The following MOV10 variants were observed in gnomAD, a reference collection of about 807,000 sequenced individuals.
MOV10 encodes the protein Mov10 RNA helicase.
Under a neutral mutation model 108.4 loss-of-function variants are expected in MOV10, and 39 were observed. The observed-to-expected ratio is 0.36, with a 90% CI of 0.28 to 0.47. The LOEUF (loss-of-function observed/expected upper bound fraction) is 0.47. MOV10 is among the 20% of genes least tolerant of loss of function. The probability of loss-of-function intolerance (pLI) is 1.00; values close to 1 mark genes in which losing one functional copy is unlikely to be tolerated. For synonymous variants in MOV10, 490 were observed against 523.1 expected (o/e 0.94, Z 0.86); for missense variants, 952 against 1,297.6 (o/e 0.73, Z 4.09).
chr1:112,695,374 C>G, intron 10 of MOV10, 42 bp from the exon 11 acceptor site: 1 of 1,602,990 alleles, frequency 6.2e-7, no homozygotes, highest in Non-Finnish European at 8.5e-7. Flanking sequence ...ACGGCTGAGT[C>G]TCAGGAACCT....
intron 7 of MOV10, 130 bp downstream of exon 7, chr1:112,693,059 A>G (rs958441939): frequency 1.2e-6 from 1 of 859,982 alleles, no homozygotes; most frequent in Admixed American, 2.6e-5. Flanking sequence ...CTCCGCAAGA[A>G]GCAGGGTGGG....
chr1:112,699,445 T>C, intron 17 of MOV10: 2 of 1,370,632 alleles, frequency 1.5e-6, no homozygotes, highest in South Asian at 1.7e-5. Context: ...GCAATGCTGT[T>C]TTCTTTCCTT....
chr1:112,698,046 C>T lies in MOV10; in HGVS notation c.2251C>T (p.Leu751=). ...IPNQLYYEGE[L]QACADVVDRE... is the part of the protein sequence containing the mutation. Reference sequence around the variant, plus strand: ...TAACCAGCTCTATTATGAAGGGGAGCTGCAGGCCTGTGCTGATGTCGTGGA... The same window carrying T: ...TAACCAGCTCTATTATGAAGGGGAGTTGCAGGCCTGTGCTGATGTCGTGGA... Residue 751 remains leucine, a synonymous_variant, in exon 15 of 21, where the codon CTG becomes TTG. Coordinates refer to ENST00000369645, the MANE Select transcript of MOV10 (RefSeq NM_001321324.2). 1.2e-6 allele frequency: 2 copies of T among 1,614,198 alleles called. No individual in the cohort carries two copies. The highest frequency in any genetic ancestry group is 1.7e-6 in the Non-Finnish European group (2 of 1,180,030).
rs377196406 is a variant in MOV10 at position 112,700,222 on chromosome 1, C to A, written c.2802C>A (p.Phe934Leu). 5 of 1,613,980 alleles carry A rather than the reference C, an allele frequency of 3.1e-6. No individual in the cohort carries two copies. The highest frequency in any genetic ancestry group is 1.1e-5 in the South Asian group (1 of 91,068). The stretch of plus-strand genomic sequence containing the variant: ...GGCACTCCTCTGTACCCCACAGATT[C>A]CTGGAGTTCTGTAAAGAAAACGGAG... ...LLGHDPDWKV[F>L]LEFCKENGGY... The change falls in exon 20 of 21, where the codon TTC becomes TTA. Residue 934 changes from phenylalanine (F) to leucine (L), a missense_variant. By Grantham distance (22) the Phe-to-Leu change is conservative. Around this residue, in one of 5 missense-constraint regions of MOV10, gnomAD observed 65 missense variants for 124.3 expected, o/e 0.52. Transcript: ENST00000369645.
Position 112,698,824 on chromosome 1 carries a change from C to T in MOV10, c.2583+35C>T, listed in dbSNP as rs374973554. On this transcript the variant is annotated intron_variant, in intron 17 of 20. Coordinates refer to ENST00000369645, the MANE Select transcript of MOV10 (RefSeq NM_001321324.2). ...TGTTCCACAGTCACTCCCTGCCTTC[C>T]GTGTGCCCCCACTTGCCCACTTCCA... 1.1e-5 allele frequency: 17 copies of T among 1,575,032 alleles called. No individual in the cohort carries two copies. In the East Asian group the frequency reaches 1.8e-4, roughly 17 times the overall value.
chr1:112,685,246 C>T (rs1195489867), intron 2 of MOV10: 1 of 149,748 alleles, frequency 6.7e-6, no homozygotes, highest in Non-Finnish European at 1.5e-5. Context: ...CTCAAGCAGT[C>T]CTACCACCTC....
At position 112,697,980 on chromosome 1, in the gene MOV10, C is replaced by T; in HGVS notation, c.2199-14C>T. On this transcript the variant is annotated splice_polypyrimidine_tract_variant and intron_variant, in intron 14 of 20. Coordinates refer to ENST00000369645, the MANE Select transcript of MOV10 (RefSeq NM_001321324.2). ...CTGACCCTTGGTCTTGCTTTTCCTCCTCCGGCCTCCCAGGTCTCATCCCAC... is the reference window on the plus strand; with the variant it reads ...CTGACCCTTGGTCTTGCTTTTCCTCTTCCGGCCTCCCAGGTCTCATCCCAC... 4 of 1,609,632 alleles carry T rather than the reference C, an allele frequency of 2.5e-6. No individual in the cohort carries two copies. The highest frequency in any genetic ancestry group is 1.3e-5 in the African/African-American group (1 of 74,928).
intron 2 of MOV10, among the ~76,000 whole-genome samples, chr1:112,679,084 C>G (rs188929243): frequency 0.011 from 1,718 of 152,222 alleles, 15 homozygotes; most frequent in Non-Finnish European, 0.018. Context: ...AACTAGATGT[C>G]TCTTTAAGAT....
Position 112,689,393 on chromosome 1 carries a change from C to G in MOV10, c.342-22C>G, listed in dbSNP as rs115422843. On this transcript the variant is annotated intron_variant, in intron 3 of 20. Coordinates refer to ENST00000369645, the MANE Select transcript of MOV10 (RefSeq NM_001321324.2). ...TCAGACCGCTCCCACCCCAACCCCC[C>G]CTTGACTCCCCTTCTCCCCAGGGCT... 1.2e-3 allele frequency: 1,747 copies of G among 1,466,968 alleles called. 17 individuals carry two copies. In the African/African-American group the frequency reaches 0.016, roughly 14 times the overall value. 90.9% of individuals were successfully genotyped at this position (1,466,968 alleles called of 1,614,324 possible).
chr1:112,689,203 TGTGTGAGGAAA>T, intron 3 of MOV10, 65 bp downstream of exon 3: 1 of 1,481,494 alleles, frequency 6.7e-7, no homozygotes, highest in Non-Finnish European at 9.2e-7. Flanking sequence ...GGGGGCTATC[TGTGTGAGGAAA>T]GAGTGGGTTA....
chr1:112,680,546 C>T (rs1464116415), intron 2 of MOV10, among the ~76,000 whole-genome samples: 1 of 149,506 alleles, frequency 6.7e-6, no homozygotes, highest in African/African-American at 2.5e-5. Context: ...GTCCCAGCTA[C>T]TCAGGAGGCT....
chr1:112,690,066 C>T lies in MOV10; in HGVS notation c.804C>T (p.Thr268=), dbSNP rs777071140. The T allele has an allele frequency of 1.2e-6, 2 of 1,613,992 alleles. No homozygotes were observed. Among genetic ancestry groups the T allele is most frequent in the Non-Finnish European group, 1.7e-6 (2 of 1,180,032 alleles). The part of the protein sequence containing the change: ...RTRITGNPVV[T]NRIEEGERPD... ...GGATCACCGGAAACCCTGTGGTGAC[C>T]AATCGGATAGAGGAAGGAGAGAGAC... The change falls in exon 5 of 21, where the codon ACC becomes ACT. Residue 268 remains threonine, a synonymous_variant. Transcript: ENST00000369645.
In MOV10 at chr1:112,695,498, G is replaced by C; in HGVS notation, c.1703G>C (p.Arg568Pro). ...GCTGACCTACTCTGTCAAAGGCTCC[G>C]GGTCCACCTTCCTAGCTCCATCTAC... is the stretch of plus-strand genomic sequence containing the variant. ...SGADLLCQRL[R>P]VHLPSSIYRL... Residue 568 changes from arginine to proline, a missense_variant, in exon 11 of 21, where the codon CGG (arginine) becomes CCG (proline). Physicochemically the swap from Arg to Pro is moderately radical, Grantham distance 103. Transcript: ENST00000369645. 1 of 1,614,178 alleles carries C rather than the reference G, an allele frequency of 6.2e-7. No homozygotes were observed. Among genetic ancestry groups the C allele is most frequent in the Non-Finnish European group, 8.5e-7 (1 of 1,180,034 alleles).
chr1:112,689,697 C>T, intron 4 of MOV10, 47 bp downstream of exon 4: 1 of 1,597,934 alleles, frequency 6.3e-7, no homozygotes, highest in Admixed American at 1.7e-5. Flanking sequence ...GGGCTTGTCC[C>T]AGGCAGTGCT....
chr1:112,689,090 A>G lies in MOV10; in HGVS notation c.293A>G (p.Asp98Gly). ...PEKRRMKLGS[D>G]ISKHHKSLLA... ...AAGAGGAGAATGAAGCTGGGGTCAGATATCAGCAAACACCACAAGTCACTG... is the reference window on the plus strand; with the variant it reads ...AAGAGGAGAATGAAGCTGGGGTCAGGTATCAGCAAACACCACAAGTCACTG... The change falls in exon 3 of 21, where the codon GAT becomes GGT. Residue 98 changes from aspartate (D) to glycine (G), a missense_variant. Around this residue, in one of 5 missense-constraint regions of MOV10, gnomAD observed 374 missense variants for 468.6 expected, o/e 0.80. Transcript: ENST00000369645. 1 of 1,611,972 alleles carries G rather than the reference A, an allele frequency of 6.2e-7. No homozygotes were observed. Among genetic ancestry groups the G allele is most frequent in the Non-Finnish European group, 8.5e-7 (1 of 1,179,832 alleles).
intron 17 of MOV10, 131 bp downstream of exon 17, chr1:112,698,920 C>A: frequency 1.3e-6 from 1 of 781,254 alleles, no homozygotes; most frequent in Non-Finnish European, 2.2e-6. Flanking sequence ...AGAGCTCGAG[C>A]TCTCCCTGAG....
At chr1:112,698,675 T>G in intron 16 of MOV10, 40 bp from the exon 17 acceptor site, 1 of 1,592,650 alleles carries the variant, frequency 6.3e-7, no homozygotes, top group Non-Finnish European at 8.6e-7. Context: ...TTGCATTAGG[T>G]TAATGGCACG....
At chr1:112,698,685 G>C (rs577760636) in intron 16 of MOV10, 30 bp from the exon 17 acceptor site, 1 of 1,606,720 alleles carries the variant, frequency 6.2e-7, no homozygotes, top group Admixed American at 1.7e-5. Context: ...TTAATGGCAC[G>C]AGAGAAAGGC....
chr1:112,697,706 A>G (rs1407368185), intron 14 of MOV10, among the ~76,000 whole-genome samples: 1 of 152,202 alleles, frequency 6.6e-6, no homozygotes, highest in Non-Finnish European at 1.5e-5. Context: ...TTGGTTTCGT[A>G]CTGTCCTTGG....
Sources: gnomAD v4.1 joint callset for allele counts (sites outside exome capture counted in the v4.1 genomes callset) on GRCh38, gnomAD v4.1.1 for gene constraint, gnomAD v4.1.1 regional missense constraint, MANE v1.5 for transcripts, NCBI Gene and HGNC (gene_info 2026-07-23, HGNC 2026-07-21) for gene names.